The following TENM3 variants were observed in gnomAD, a reference collection of about 807,000 sequenced individuals.
The protein encoded by TENM3 is teneurin-3.
Under a neutral mutation model 255.1 loss-of-function variants are expected in TENM3, and 63 were observed. The observed-to-expected ratio is 0.25, with a 90% CI of 0.20 to 0.30. TENM3 has a LOEUF of 0.30. Among genes scored for constraint, TENM3 ranks in the 10% least tolerant of loss-of-function variants. The probability of loss-of-function intolerance (pLI) is 1.00; values close to 1 mark genes in which losing one functional copy is unlikely to be tolerated. For synonymous variants in TENM3, 1,306 were observed against 1,322.3 expected (o/e 0.99, Z 0.27); for missense variants, 2,929 against 3,461.1 (o/e 0.85, Z 3.86).
chr4:182,672,685 G>T (rs1279114304), intron 6 of TENM3, among the ~76,000 whole-genome samples: 1 of 152,186 alleles, frequency 6.6e-6, no homozygotes, highest in East Asian at 1.9e-4. Context: ...GAAATAACAA[G>T]ACTCATAATT....
the TENM3 span, among the ~76,000 whole-genome samples, chr4:182,084,199 A>T: frequency 6.6e-6 from 1 of 151,346 alleles, no homozygotes. Flanking sequence ...TGCTGGGGGG[A>T]AAAAATAAGC....
intron 1 of TENM3, among the ~76,000 whole-genome samples, chr4:182,205,601 G>T (rs745660180): frequency 3.3e-5 from 5 of 152,222 alleles, no homozygotes; most frequent in African/African-American, 1.2e-4. Flanking sequence ...AAATCACCGC[G>T]CCACATCTGG....
intron 3 of TENM3, among the ~76,000 whole-genome samples, chr4:182,483,397 T>C (rs552453083): frequency 5.3e-5 from 8 of 152,338 alleles, no homozygotes; most frequent in African/African-American, 7.2e-5. Flanking sequence ...GACTTGATGC[T>C]AGTTTGTAGT....
At chr4:182,119,276 C>T in the TENM3 span, among the ~76,000 whole-genome samples, 3 of 152,170 alleles carry the variant, frequency 2.0e-5, no homozygotes, top group Non-Finnish European at 4.4e-5. Flanking sequence ...CTTTTCCTCT[C>T]TCCCTGCCGA....
At chr4:182,462,007 C>T (rs867839122) in intron 3 of TENM3, among the ~76,000 whole-genome samples, 1 of 151,792 alleles carries the variant, frequency 6.6e-6, no homozygotes. Flanking sequence ...CTTCTGAACT[C>T]TTCTTGCAAG....
chr4:181,984,427 T>C, the TENM3 span, among the ~76,000 whole-genome samples: 2 of 152,064 alleles, frequency 1.3e-5, no homozygotes, highest in African/African-American at 4.8e-5. Context: ...ATTTTATGGA[T>C]TGTTTAAAAT....
At chr4:181,892,791 T>G in the TENM3 span, among the ~76,000 whole-genome samples, 2 of 152,202 alleles carry the variant, frequency 1.3e-5, no homozygotes, top group African/African-American at 4.8e-5. Context: ...GAATTGCCTC[T>G]GAATGACACA....
chr4:182,268,656 G>A (rs1474103182), intron 1 of TENM3, among the ~76,000 whole-genome samples: 3 of 152,006 alleles, frequency 2.0e-5, no homozygotes, highest in Admixed American at 6.6e-5. Context: ...TAAAGGAGCC[G>A]GCCAAAACCC....
the TENM3 span, among the ~76,000 whole-genome samples, chr4:181,707,126 G>A: frequency 6.6e-6 from 1 of 152,212 alleles, no homozygotes; most frequent in Non-Finnish European, 1.5e-5. Flanking sequence ...CCCAGCAGAA[G>A]GGAGGGGACT....
chr4:181,655,977 G>C, the TENM3 span, among the ~76,000 whole-genome samples: 2 of 152,146 alleles, frequency 1.3e-5, no homozygotes, highest in Non-Finnish European at 2.9e-5. Flanking sequence ...GAGCAGACCG[G>C]GATGATGGTG....
chr4:182,293,146 G>A (rs140858129), intron 1 of TENM3, among the ~76,000 whole-genome samples: 5 of 152,250 alleles, frequency 3.3e-5, no homozygotes, highest in African/African-American at 9.6e-5. Flanking sequence ...CTGAAGAACC[G>A]AAGCCATTAA....
chr4:182,617,167 A>C (rs1311050018), intron 4 of TENM3, among the ~76,000 whole-genome samples: 1 of 152,194 alleles, frequency 6.6e-6, no homozygotes, highest in African/African-American at 2.4e-5. Flanking sequence ...TTTCAAATAC[A>C]TACTGACAAA....
intron 3 of TENM3, among the ~76,000 whole-genome samples, chr4:182,471,914 T>A (rs1733159292): frequency 6.6e-6 from 1 of 152,152 alleles, no homozygotes; most frequent in South Asian, 2.1e-4. Context: ...TCATTTCATT[T>A]TAGTGAGTTA....
the TENM3 span, among the ~76,000 whole-genome samples, chr4:181,794,323 C>A: frequency 6.6e-6 from 1 of 151,038 alleles, no homozygotes; most frequent in African/African-American, 2.4e-5. Flanking sequence ...GCTCTCTTGG[C>A]AAATTTCAAG....
the TENM3 span, among the ~76,000 whole-genome samples, chr4:181,761,396 A>C: frequency 6.6e-6 from 1 of 152,170 alleles, no homozygotes; most frequent in African/African-American, 2.4e-5. Flanking sequence ...TTATTTGTGC[A>C]CAATAAGATA....
chr4:182,230,824 A>ATATAT (rs1756515709), intron 1 of TENM3, among the ~76,000 whole-genome samples: 1 of 83,330 alleles, frequency 1.2e-5, no homozygotes, highest in Non-Finnish European at 2.8e-5. Context: ...ATATATATAT[A>ATATAT]TATATATATA....
chr4:182,740,914 C>A (rs1761556145), intron 18 of TENM3, among the ~76,000 whole-genome samples: 2 of 152,172 alleles, frequency 1.3e-5, no homozygotes, highest in Non-Finnish European at 2.9e-5. Flanking sequence ...CGGTGGCTCA[C>A]ACCTGTAATC....
the TENM3 span, among the ~76,000 whole-genome samples, chr4:181,672,053 C>A: frequency 6.6e-6 from 1 of 152,080 alleles, no homozygotes. Context: ...AATCTTTGCC[C>A]CTCTACAGAG....
chr4:182,265,209 A>G lies in TENM3; in HGVS notation c.-76+21733A>G, dbSNP rs539187144. ...GTTTTGGGGGTATCAGAAATTACTTAGCATTATAAGAGAGCTTTGGTGTAT... is the reference window on the plus strand; with the variant it reads ...GTTTTGGGGGTATCAGAAATTACTTGGCATTATAAGAGAGCTTTGGTGTAT... On this transcript the variant is annotated intron_variant, in intron 1 of 27. Coordinates refer to ENST00000511685, the MANE Select transcript of TENM3 (RefSeq NM_001080477.4). Among the ~76,000 whole-genome samples the G allele has an allele frequency of 3.9e-5, 6 of 152,262 alleles. No individual in the cohort carries two copies. The East Asian group carries it at 9.7e-4, about 25-fold the overall frequency.
Sources: allele counts gnomAD v4.1 joint callset (sites outside exome capture counted in the v4.1 genomes callset), GRCh38; gene constraint gnomAD v4.1.1; transcripts MANE v1.5; gene names NCBI Gene and HGNC (gene_info 2026-07-23, HGNC 2026-07-21).